NEO1: variants seen among roughly 807,000 people sequenced by gnomAD.
NEO1 encodes the protein neogenin 1, also known as neogenin.
NEO1 carries 63 observed loss-of-function variants against 159.7 expected under a neutral mutation model. The ratio of observed to expected loss-of-function variants is 0.39; its 90% CI spans 0.32 to 0.49. The LOEUF (loss-of-function observed/expected upper bound fraction) is 0.49, where lower values mean the gene tolerates loss of function less well. Ranked by LOEUF, NEO1 falls within the 20% of genes least tolerant of loss-of-function variation. The pLI, the probability that NEO1 is intolerant of heterozygous loss-of-function variation, is 0.85. For missense variants in NEO1, 1,615 were observed against 1,831.0 expected, an observed-to-expected ratio of 0.88 and a Z score of 2.15; for synonymous variants, 633 against 662.0, an observed-to-expected ratio of 0.96 and a Z score of 0.67.
At chr15:73,064,819 C>A (rs1416176274) in intron 1 of NEO1, among the ~76,000 whole-genome samples, 2 of 152,060 alleles carry the variant, frequency 1.3e-5, no homozygotes, top group African/African-American at 4.8e-5. Context: ...GTTTTGTTTT[C>A]TTTTGCCTGA....
At chr15:73,295,849 C>G (rs2042343872) in intron 26 of NEO1, among the ~76,000 whole-genome samples, 1 of 152,206 alleles carries the variant, frequency 6.6e-6, no homozygotes. Context: ...TGGAAAAGCA[C>G]TTTCCTCTTG....
intron 11 of NEO1, 119 bp downstream of exon 11, chr15:73,249,840 T>C: frequency 8.5e-7 from 1 of 1,175,844 alleles, no homozygotes. Context: ...TACCTCTTTC[T>C]GGTAATATGA....
chr15:73,249,739 T>C lies in NEO1; in HGVS notation c.1894+18T>C, dbSNP rs575835799. 5.1e-5 allele frequency: 81 copies of C among 1,602,256 alleles called. 3 individuals carry two copies. In the South Asian group the frequency reaches 7.6e-4, roughly 15 times the overall value. ...GTCAGATGGTGAGTCTTTCTTCCTC[T>C]GGAACGATATACCACACTTGGTGCC... On this transcript the variant is annotated intron_variant, in intron 11 of 28. Transcript: ENST00000261908.
At chr15:73,100,374 G>A (rs2151502587) in intron 1 of NEO1, among the ~76,000 whole-genome samples, 1 of 144,922 alleles carries the variant, frequency 6.9e-6, no homozygotes, top group Middle Eastern at 3.5e-3. Context: ...TCACTCTGTT[G>A]CCCAGGCTGG....
At chr15:73,162,508 T>C (rs1269642412) in intron 5 of NEO1, among the ~76,000 whole-genome samples, 2 of 152,138 alleles carry the variant, frequency 1.3e-5, no homozygotes, top group African/African-American at 4.8e-5. Flanking sequence ...TTCTCATGCC[T>C]CAACCTGCTG....
intron 23 of NEO1, among the ~76,000 whole-genome samples, chr15:73,288,091 A>G (rs1340538470): frequency 1.3e-5 from 2 of 152,198 alleles, no homozygotes; most frequent in African/African-American, 4.8e-5. Context: ...GACCCTGGTA[A>G]GTATCTCTAA....
chr15:73,303,315 G>T lies in NEO1; in HGVS notation c.*619G>T, dbSNP rs2151200068. ...GTTAATCCATCACTCTGAGGGGGAG[G>T]AAATGTTGCATTGCTGTTTGTAAGC... On this transcript the variant is annotated 3_prime_UTR_variant, in exon 29 of 29. Transcript: ENST00000261908. 1 of 152,642 alleles carries T rather than the reference G, an allele frequency of 6.6e-6. No homozygotes were observed. Among genetic ancestry groups the T allele is most frequent in the East Asian group, 1.9e-4 (1 of 5,190 alleles). 9.5% of individuals were successfully genotyped at this position (152,642 alleles called of 1,614,324 possible). A position where few individuals can be genotyped will look rare whatever the true frequency, so the allele number is the denominator to read the frequency against.
intron 18 of NEO1, among the ~76,000 whole-genome samples, chr15:73,271,459 G>A (rs2041165173): frequency 6.6e-6 from 1 of 152,188 alleles, no homozygotes; most frequent in South Asian, 2.1e-4. Flanking sequence ...CTATCACATG[G>A]AAACACAGGA....
At position 73,052,472 on chromosome 15, in the gene NEO1, G is replaced by A; in HGVS notation, c.-204G>A. The A allele has an allele frequency of 2.4e-5, 1 of 42,284 alleles. No individual in the cohort carries two copies. 2.6% of individuals were successfully genotyped at this position (42,284 alleles called of 1,614,324 possible). A position where few individuals can be genotyped will look rare whatever the true frequency, so the allele number is the denominator to read the frequency against. On this transcript the variant is annotated 5_prime_UTR_variant, in exon 1 of 29. Transcript: ENST00000261908. ...CCTTCTTCGCTCTCCTCCCCTCCCC[G>A]CCCCCTTGCAGGAGGGAGGCGCCCT...
At position 73,288,403 on chromosome 15, in the gene NEO1, T is replaced by G. The variant is rs2042029815; in HGVS notation, c.3501T>G (p.His1167Gln). Residue 1167 changes from histidine to glutamine, a missense_variant, in exon 24 of 29, where the codon CAT becomes CAG. By Grantham distance (24) the His-to-Gln change is conservative (BLOSUM62 0). This residue lies in a region of NEO1 where 471 missense variants were observed against 498.9 expected (regional missense o/e 0.94). Transcript: ENST00000261908. ...AACCTCCAGATCTCTGGATCCATCA[T>G]GAGAGACTGGAGCTGAAACCCATTG... ...DVKPPDLWIH[H>Q]ERLELKPIDK... The G allele has an allele frequency of 6.2e-7, 1 of 1,614,036 alleles. No individual in the cohort carries two copies. The highest frequency in any genetic ancestry group is 1.7e-5 in the Admixed American group (1 of 60,002).
Position 73,218,289 on chromosome 15 carries a change from G to C in NEO1, c.1292-18058G>C, listed in dbSNP as rs2038020083. On this transcript the variant is annotated intron_variant, in intron 7 of 28. Transcript: ENST00000261908. ...CAGGGATGAAGCCCACTTGATCATG[G>C]TGGATAAGCTTTTTGATGTGCTGCT... Among the ~76,000 whole-genome samples the C allele has an allele frequency of 2.7e-5, 4 of 149,448 alleles. No individual in the cohort carries two copies. In the South Asian group the frequency reaches 8.7e-4, roughly 32 times the overall value.
At chr15:73,154,009 A>AT (rs2151849229) in intron 5 of NEO1, among the ~76,000 whole-genome samples, 1 of 152,328 alleles carries the variant, frequency 6.6e-6, no homozygotes. Flanking sequence ...GGTATAATTT[A>AT]TACTGTGTCA....
intron 2 of NEO1, among the ~76,000 whole-genome samples, chr15:73,121,862 G>A (rs1383294077): frequency 6.6e-6 from 1 of 151,882 alleles, no homozygotes; most frequent in Admixed American, 6.6e-5. Context: ...TCTTTGGACA[G>A]TTTTCTTACT....
At chr15:73,068,838 A>G (rs2068369463) in intron 1 of NEO1, among the ~76,000 whole-genome samples, 1 of 152,162 alleles carries the variant, frequency 6.6e-6, no homozygotes, top group Non-Finnish European at 1.5e-5. Flanking sequence ...ATCCAATTAA[A>G]AAGAATAGTG....
rs573834965 is a variant in NEO1 at position 73,210,512 on chromosome 15, C to T, written c.1292-25835C>T. Among the ~76,000 whole-genome samples, 11 of 152,324 alleles carry T rather than the reference C, an allele frequency of 7.2e-5. 1 individual carries two copies. The South Asian group carries it at 2.3e-3, about 32-fold the overall frequency. ...AGCCACTGATAAGAGAGCTTGAAGG[C>T]TTATCTTGTGAAACTGAGTGTTGAA... On this transcript the variant is annotated intron_variant, in intron 7 of 28. Transcript: ENST00000261908.
chr15:73,229,709 A>G (rs2038800894), intron 7 of NEO1, among the ~76,000 whole-genome samples: 2 of 152,022 alleles, frequency 1.3e-5, no homozygotes. Flanking sequence ...AGGTTGAGGA[A>G]TTTTACTTCT....
chr15:73,268,957 G>A (rs2041043792), intron 16 of NEO1, among the ~76,000 whole-genome samples: 1 of 152,208 alleles, frequency 6.6e-6, no homozygotes, highest in Admixed American at 6.5e-5. Context: ...TAACTGATGG[G>A]AATTCATCAC....
chr15:73,237,130 A>G lies in NEO1; in HGVS notation c.1451+624A>G, dbSNP rs74412300. Reference sequence around the variant, plus strand: ...TCTAATCACTATAGCCTTTTTTTCCAGTGTGTCCTCTTCAGTCACTTCTTG... The same window carrying G: ...TCTAATCACTATAGCCTTTTTTTCCGGTGTGTCCTCTTCAGTCACTTCTTG... On this transcript the variant is annotated intron_variant, in intron 8 of 28. Coordinates refer to ENST00000261908, the MANE Select transcript of NEO1 (RefSeq NM_002499.4). Among the ~76,000 whole-genome samples the G allele has an allele frequency of 9.3e-3, 1,307 of 140,278 alleles. 23 individuals carry two copies. Among genetic ancestry groups the G allele is most frequent in the African/African-American group, 0.031 (1,235 of 40,210 alleles). The allele number at this position is 140,278 out of a possible 152,430, so 92.0% of individuals were successfully genotyped here. A position where few individuals can be genotyped will look rare whatever the true frequency, so the allele number is the denominator to read the frequency against.
intron 1 of NEO1, among the ~76,000 whole-genome samples, chr15:73,114,311 G>A (rs2071170155): frequency 6.6e-6 from 1 of 152,180 alleles, no homozygotes; most frequent in African/African-American, 2.4e-5. Flanking sequence ...GACTGACGTG[G>A]CAGTCGACTA....
Sources: gnomAD v4.1 joint callset for allele counts (sites outside exome capture counted in the v4.1 genomes callset) on GRCh38, gnomAD v4.1.1 for gene constraint, gnomAD v4.1.1 regional missense constraint, MANE v1.5 for transcripts, NCBI Gene and HGNC (gene_info 2026-07-23, HGNC 2026-07-21) for gene names.